Variants in DPYSL2 observed in about 807,000 individuals in gnomAD.
The protein encoded by DPYSL2 is dihydropyrimidinase like 2, also known as dihydropyrimidinase-related protein 2.
Under a neutral mutation model 69.9 loss-of-function variants are expected in DPYSL2, and 13 were observed. The observed-to-expected ratio is 0.19, with a 90% CI of 0.12 to 0.30. The LOEUF (loss-of-function observed/expected upper bound fraction) is 0.30, where lower values mean the gene tolerates loss of function less well. DPYSL2 is among the 10% of genes least tolerant of loss of function. The pLI, the probability that DPYSL2 is intolerant of heterozygous loss-of-function variation, is 1.00. For missense variants in DPYSL2, 587 were observed against 918.9 expected, an observed-to-expected ratio of 0.64 and a Z score of 4.67; for synonymous variants, 326 against 359.1, an observed-to-expected ratio of 0.91 and a Z score of 1.04.
rs150949787 is a variant in DPYSL2, at chr8:26,596,278, C to T, written c.628+12295C>T. On this transcript the variant is annotated intron_variant, in intron 3 of 13. Transcript: ENST00000521913. ...TGCACAGTTAGATGGGGCTTCAGCCCTCTTTGTAGGATGAACGTTTAGGTT... is the reference window on the plus strand; with the variant it reads ...TGCACAGTTAGATGGGGCTTCAGCCTTCTTTGTAGGATGAACGTTTAGGTT... 5.4e-3 allele frequency among the ~76,000 whole-genome samples: 817 copies of T among 152,310 alleles called. 10 individuals carry two copies. The highest frequency in any genetic ancestry group is 0.018 in the African/African-American group (762 of 41,566).
At position 26,626,670 on chromosome 8, in the gene DPYSL2, G is replaced by A; in HGVS notation, c.847G>A (p.Asp283Asn). ...MAFKDRFQLT[D>N]CQIYEVLSVI... ...TTTCAAAGATCGCTTCCAGCTAACG[G>A]ATTGCCAGGTAAGAAAGTCGGCTTT... is the stretch of plus-strand genomic sequence containing the variant. The change falls in exon 5 of 14, where the codon GAT (aspartate) becomes AAT (asparagine). Residue 283 changes from aspartate (D) to asparagine (N), a missense_variant. This residue lies in a region of DPYSL2 where 452 missense variants were observed against 754.3 expected (regional missense o/e 0.60). Transcript: ENST00000521913. This position sits in a 1 kb window ranked among gnomAD's most constrained non-coding sequence, Gnocchi z 4.3. The A allele has an allele frequency of 1.9e-6, 3 of 1,614,164 alleles. No individual in the cohort carries two copies. Among genetic ancestry groups the A allele is most frequent in the Non-Finnish European group, 2.5e-6 (3 of 1,180,028 alleles).
chr8:26,585,429 AG>A lies in DPYSL2; in HGVS notation c.628+1448del, dbSNP rs1245334457. Among the ~76,000 whole-genome samples the A allele has an allele frequency of 6.6e-6, 1 of 152,146 alleles. No homozygotes were observed. Among genetic ancestry groups the A allele is most frequent in the Non-Finnish European group, 1.5e-5 (1 of 68,030 alleles). On this transcript the variant is annotated intron_variant, in intron 3 of 13. Transcript: ENST00000521913. This position sits in a 1 kb window ranked among gnomAD's most constrained non-coding sequence, Gnocchi z 4.0. ...CCTGGCCCTCAGGGTCTGAAGCATCAGGAACAGCTCTCTCCTGTTTCAGCTT... is the reference window on the plus strand; with the variant it reads ...CCTGGCCCTCAGGGTCTGAAGCATCAGAACAGCTCTCTCCTGTTTCAGCTT...
intron 3 of DPYSL2, among the ~76,000 whole-genome samples, chr8:26,611,048 C>T (rs1167305462): frequency 2.0e-5 from 3 of 152,086 alleles, no homozygotes; most frequent in East Asian, 3.9e-4. Context: ...GGCACTGTTG[C>T]CATTTCTATT....
At chr8:26,576,983 G>A (rs1801360861) in intron 1 of DPYSL2, 2 of 307,462 alleles carry the variant, frequency 6.5e-6, no homozygotes, top group Non-Finnish European at 1.3e-5. Context: ...ACAGAGCGCA[G>A]ATCGCGCCAC....
intron 7 of DPYSL2, among the ~76,000 whole-genome samples, chr8:26,631,958 A>G (rs912752790): frequency 1.3e-5 from 2 of 152,248 alleles, no homozygotes; most frequent in African/African-American, 4.8e-5. Flanking sequence ...TTAGCTTCCC[A>G]GTCTACTTGG....
At chr8:26,604,935 C>T (rs1481166688) in intron 3 of DPYSL2, among the ~76,000 whole-genome samples, 3 of 152,146 alleles carry the variant, frequency 2.0e-5, no homozygotes, top group Admixed American at 6.5e-5. Context: ...GCTGGGATTA[C>T]AGGCTTGAGC....
At position 26,627,797 on chromosome 8, in the gene DPYSL2, A is replaced by G. The variant is rs890996601; in HGVS notation, c.937-75A>G. On this transcript the variant is annotated intron_variant, in intron 6 of 13. Coordinates refer to ENST00000521913, the MANE Select transcript of DPYSL2 (RefSeq NM_001197293.3). This position sits in a 1 kb window ranked among gnomAD's most constrained non-coding sequence, Gnocchi z 6.9. ...TTTTCCATCTTGCCCGGATAACTGC[A>G]TGCCCGGGCCTCTGCCATCAGAGCT... The G allele has an allele frequency of 4.1e-6, 6 of 1,453,092 alleles. No individual in the cohort carries two copies. The highest frequency in any genetic ancestry group is 5.7e-6 in the Non-Finnish European group (6 of 1,050,848). 90.0% of individuals were successfully genotyped at this position (1,453,092 alleles called of 1,614,324 possible).
chr8:26,574,345 T>C (rs1181236855), intron 1 of DPYSL2, among the ~76,000 whole-genome samples: 1 of 151,690 alleles, frequency 6.6e-6, no homozygotes, highest in Non-Finnish European at 1.5e-5. Context: ...GGGAGGGGAG[T>C]TGAAGCTGCG....
Position 26,641,773 on chromosome 8 carries a change from G to A in DPYSL2, c.1127-1666G>A, listed in dbSNP as rs1242910677. On this transcript the variant is annotated intron_variant, in intron 8 of 13. Coordinates refer to ENST00000521913, the MANE Select transcript of DPYSL2 (RefSeq NM_001197293.3). The surrounding 1 kb of genome is among the most constrained non-coding windows in gnomAD (Gnocchi z 4.1). ...AGTCCTCCCTCCTGCTGGGGGTGGG[G>A]GCGTGGTTGCTGGTGGCCTGGAGTG... is the stretch of plus-strand genomic sequence containing the variant. Among the ~76,000 whole-genome samples, 3 of 152,182 alleles carry A rather than the reference G, an allele frequency of 2.0e-5. No homozygotes were observed. Among genetic ancestry groups the A allele is most frequent in the Admixed American group, 6.5e-5 (1 of 15,280 alleles).
In DPYSL2 at chr8:26,617,705, C is replaced by A. The variant is rs2129876896; in HGVS notation, c.629-6438C>A. ...TGATTCTCGCTGCAGCATGGATGAA[C>A]CTTGACGACATGATGCCAAGTGAAA... On this transcript the variant is annotated intron_variant, in intron 3 of 13. Transcript: ENST00000521913. The surrounding 1 kb of genome is among the most constrained non-coding windows in gnomAD (Gnocchi z 4.7). 6.6e-6 allele frequency among the ~76,000 whole-genome samples: 1 copy of A among 152,222 alleles called. No individual in the cohort carries two copies. The highest frequency in any genetic ancestry group is 2.1e-4 in the South Asian group (1 of 4,824).
chr8:26,579,578 C>T (rs1801440083), intron 1 of DPYSL2, among the ~76,000 whole-genome samples: 1 of 152,198 alleles, frequency 6.6e-6, no homozygotes, highest in African/African-American at 2.4e-5. Context: ...ATGGGCACCC[C>T]GGCTTCCTCT....
At chr8:26,561,316 C>G (rs1483705779) in intron 1 of DPYSL2, among the ~76,000 whole-genome samples, 1 of 152,126 alleles carries the variant, frequency 6.6e-6, no homozygotes, top group South Asian at 2.1e-4. Flanking sequence ...TCAGAGGTAT[C>G]AGGACTGACC....
In DPYSL2 at chr8:26,556,234, T is replaced by A. The variant is rs368032761; in HGVS notation, c.355-25735T>A. On this transcript the variant is annotated intron_variant, in intron 1 of 13. Transcript: ENST00000521913. Reference sequence around the variant, plus strand: ...ATACTATATATAGTATATATAGTATTTATATAATATATATAGTATATATAT... The same window carrying A: ...ATACTATATATAGTATATATAGTATATATATAATATATATAGTATATATAT... Among the ~76,000 whole-genome samples the A allele has an allele frequency of 2.9e-3, 15 of 5,110 alleles. 3 individuals carry two copies. The highest frequency in any genetic ancestry group is 3.2e-3 in the African/African-American group (5 of 1,564). The allele number at this position is 5,110 out of a possible 152,430, so 3.4% of individuals were successfully genotyped here. A position where few individuals can be genotyped will look rare whatever the true frequency, so the allele number is the denominator to read the frequency against.
intron 1 of DPYSL2, among the ~76,000 whole-genome samples, chr8:26,572,827 T>C (rs1167156006): frequency 6.6e-6 from 1 of 152,078 alleles, no homozygotes; most frequent in Non-Finnish European, 1.5e-5. Context: ...TGAAAGAGTT[T>C]TTCTTCCCTG....
intron 1 of DPYSL2, among the ~76,000 whole-genome samples, chr8:26,568,783 C>T (rs1801192293): frequency 7.1e-6 from 1 of 140,942 alleles, no homozygotes; most frequent in Non-Finnish European, 1.5e-5. Context: ...AGAATCGACA[C>T]AGATTCTGAA....
chr8:26,583,296 CA>C (rs1393140523), intron 2 of DPYSL2, among the ~76,000 whole-genome samples: 1 of 150,740 alleles, frequency 6.6e-6, no homozygotes, highest in Non-Finnish European at 1.5e-5. Flanking sequence ...CACACGCTTC[CA>C]AAATTTTAAA....
rs539693350 is a variant in DPYSL2, at chr8:26,571,663, C to G, written c.355-10306C>G. On this transcript the variant is annotated intron_variant, in intron 1 of 13. Transcript: ENST00000521913. The surrounding 1 kb of genome is among the most constrained non-coding windows in gnomAD (Gnocchi z 6.1). Reference sequence around the variant, plus strand: ...GGATTTGGACAGATGAGCTTCTTGTCTTCCTGCAGGGAGGATGTGTCCTCA... The same window carrying G: ...GGATTTGGACAGATGAGCTTCTTGTGTTCCTGCAGGGAGGATGTGTCCTCA... Among the ~76,000 whole-genome samples, 2 of 152,224 alleles carry G rather than the reference C, an allele frequency of 1.3e-5. No individual in the cohort carries two copies. The highest frequency in any genetic ancestry group is 2.9e-5 in the Non-Finnish European group (2 of 68,038).
chr8:26,584,353 T>C (rs368095332), intron 3 of DPYSL2, among the ~76,000 whole-genome samples: 3 of 152,174 alleles, frequency 2.0e-5, no homozygotes, highest in African/African-American at 7.2e-5. Context: ...AAGTATTTGA[T>C]TGAGATTTTC....
In DPYSL2 at chr8:26,588,358, TA is replaced by T. The variant is rs1251710706; in HGVS notation, c.628+4378del. ...CTTCCTGGGTCCCACCTTACCTGGT[TA>T]AAGTAGCAAATCTGCTGGTGGGGTC... On this transcript the variant is annotated intron_variant, in intron 3 of 13. Coordinates refer to ENST00000521913, the MANE Select transcript of DPYSL2 (RefSeq NM_001197293.3). The surrounding 1 kb of genome is among the most constrained non-coding windows in gnomAD (Gnocchi z 5.4). Among the ~76,000 whole-genome samples the T allele has an allele frequency of 6.6e-6, 1 of 152,150 alleles. No homozygotes were observed. The highest frequency in any genetic ancestry group is 1.5e-5 in the Non-Finnish European group (1 of 68,026).
Sources: allele counts gnomAD v4.1 joint callset (sites outside exome capture counted in the v4.1 genomes callset), GRCh38; gene constraint gnomAD v4.1.1; regional missense constraint gnomAD v4.1.1; non-coding constraint Gnocchi (gnomAD v3.1); transcripts MANE v1.5; gene names NCBI Gene and HGNC (gene_info 2026-07-23, HGNC 2026-07-21).